The following AQR variants were observed in gnomAD, a reference collection of about 807,000 sequenced individuals.
AQR encodes RNA helicase aquarius.
In AQR, 61 loss-of-function variants were observed where a neutral mutation model predicts 180.5. That is an observed-to-expected ratio of 0.34 (90% CI 0.28 to 0.42). The LOEUF is 0.42. Ranked by LOEUF, AQR falls within the 10% of genes least tolerant of loss-of-function variation. The pLI, the probability that AQR is intolerant of heterozygous loss-of-function variation, is 1.00. For synonymous variants in AQR, 551 were observed against 588.8 expected (o/e 0.94, Z 0.93); for missense variants, 1,281 against 1,798.3 (o/e 0.71, Z 5.20).
chr15:34,864,527 G>A (rs930006745), intron 32 of AQR, among the ~76,000 whole-genome samples: 1 of 152,112 alleles, frequency 6.6e-6, no homozygotes, highest in East Asian at 1.9e-4. Flanking sequence ...TCCAACACTG[G>A]TAACTGAAGG....
At chr15:34,961,285 A>G (rs1226683809) in intron 2 of AQR, among the ~76,000 whole-genome samples, 4 of 152,058 alleles carry the variant, frequency 2.6e-5, no homozygotes, top group Non-Finnish European at 5.9e-5. Flanking sequence ...CATTCATTTG[A>G]GTGAGGGTGG....
chr15:34,896,074 C>T (rs1178120189), intron 22 of AQR, among the ~76,000 whole-genome samples: 2 of 152,184 alleles, frequency 1.3e-5, no homozygotes, highest in African/African-American at 4.8e-5. Context: ...ACAGGGAAAC[C>T]TCCAAATACT....
At chr15:34,862,023 A>G (rs1159913174) in intron 33 of AQR, among the ~76,000 whole-genome samples, 1 of 152,138 alleles carries the variant, frequency 6.6e-6, no homozygotes, top group Non-Finnish European at 1.5e-5. Flanking sequence ...TAAAAGTAAC[A>G]TATCTCTTCT....
chr15:34,946,821 G>A (rs1198430304), intron 5 of AQR, among the ~76,000 whole-genome samples: 2 of 149,670 alleles, frequency 1.3e-5, no homozygotes, highest in East Asian at 2.0e-4. Context: ...GTCTCTGCCC[G>A]GCCGCCCCTA....
intron 8 of AQR, among the ~76,000 whole-genome samples, chr15:34,940,390 C>T (rs1271352975): frequency 1.3e-5 from 2 of 152,042 alleles, no homozygotes; most frequent in South Asian, 2.1e-4. Flanking sequence ...ATTAGCCAGG[C>T]GTGGTGGCGC....
intron 34 of AQR, 25 bp downstream of exon 34, chr15:34,860,017 T>C: frequency 8.2e-7 from 1 of 1,214,140 alleles, no homozygotes; most frequent in Non-Finnish European, 1.1e-6. Context: ...GCAAGAAAAA[T>C]AAAAGTCGAT....
At position 34,940,991 on chromosome 15, in the gene AQR, C is replaced by T. The variant is rs1307208639; in HGVS notation, c.549G>A (p.Leu183=). The T allele has an allele frequency of 3.1e-6, 5 of 1,600,744 alleles. No homozygotes were observed. The highest frequency in any genetic ancestry group is 2.6e-6 in the Non-Finnish European group (3 of 1,171,930). The change falls in exon 8 of 35, where the codon TTG becomes TTA. Residue 183 remains leucine (L), a synonymous_variant. Coordinates refer to ENST00000156471, the MANE Select transcript of AQR (RefSeq NM_014691.3). The part of the protein sequence containing the change: ...PMWMGLQLAR[L]ELELKKTPKL... Reference sequence around the variant, plus strand: ...TAGGTGTCTTTTTTAATTCTAATTCCAATCGTGCCTGAAGAAGAGATGTGT... The same window carrying T: ...TAGGTGTCTTTTTTAATTCTAATTCTAATCGTGCCTGAAGAAGAGATGTGT...
In AQR at chr15:34,867,544, G is replaced by T. The variant is rs368556813; in HGVS notation, c.3834C>A (p.Thr1278=). 6.2e-7 allele frequency: 1 copy of T among 1,612,450 alleles called. No homozygotes were observed. The highest frequency in any genetic ancestry group is 1.3e-5 in the African/African-American group (1 of 74,804). Residue 1278 remains threonine (T), a synonymous_variant, in exon 32 of 35, where the codon ACC becomes ACA. Coordinates refer to ENST00000156471, the MANE Select transcript of AQR (RefSeq NM_014691.3). ...NDYILLSLVR[T]RAVGHLRDVR... is the part of the protein sequence containing the mutation. ...CGTACCTCAGATGGCCCACTGCCCT[G>T]GTTCGTACCAGAGAAAGAAGAATAT...
At chr15:34,874,531 C>A in intron 29 of AQR, 146 bp downstream of exon 29, 1 of 821,356 alleles carries the variant, frequency 1.2e-6, no homozygotes, top group South Asian at 1.8e-5. Flanking sequence ...TTGCAGAAGT[C>A]GACAAAAGTG....
At chr15:34,902,601 T>G (rs960012581) in intron 19 of AQR, among the ~76,000 whole-genome samples, 5 of 152,154 alleles carry the variant, frequency 3.3e-5, no homozygotes, top group Admixed American at 6.5e-5. Flanking sequence ...AGGTGTAAGT[T>G]GTGTCTGATT....
rs371203440 is a variant in AQR at position 34,857,095 on chromosome 15, T to C, written c.4155A>G (p.Gln1385=). 2.6e-5 allele frequency: 41 copies of C among 1,565,774 alleles called. No homozygotes were observed. The highest frequency in any genetic ancestry group is 2.8e-5 in the African/African-American group (2 of 71,536). The change falls in exon 35 of 35, where the codon CAA becomes CAG. Residue 1385 remains glutamine (Q), a synonymous_variant. Transcript: ENST00000156471. The part of the protein sequence containing the change: ...TTHHYHQTLL[Q]LPPAMVEEGE... ...CCTCTTCTACCATAGCAGGTGGTAG[T>C]TGTAATAAAGTCTAATTAAAAAAAA... is the stretch of plus-strand genomic sequence containing the variant.
intron 21 of AQR, among the ~76,000 whole-genome samples, chr15:34,897,282 C>A (rs1893260254): frequency 6.6e-6 from 1 of 152,194 alleles, no homozygotes. Context: ...ATATGTAACA[C>A]AGGCTCATGA....
At chr15:34,939,165 T>G (rs952862300) in intron 8 of AQR, among the ~76,000 whole-genome samples, 3 of 152,098 alleles carry the variant, frequency 2.0e-5, no homozygotes, top group African/African-American at 7.2e-5. Context: ...GCCTCCCAGG[T>G]TGAAGCAACT....
At chr15:34,893,601 A>G (rs2140472651) in intron 23 of AQR, 62 bp downstream of exon 23, 4 of 1,168,386 alleles carry the variant, frequency 3.4e-6, no homozygotes, top group South Asian at 1.5e-5. Context: ...GTGCATGCGC[A>G]TGCGTGCACA....
Position 34,870,917 on chromosome 15 carries a change from A to G in AQR, c.3603T>C (p.Leu1201=). The change falls in exon 31 of 35, where the codon CTT becomes CTC. Residue 1201 remains leucine, a synonymous_variant. Coordinates refer to ENST00000156471, the MANE Select transcript of AQR (RefSeq NM_014691.3). Reference sequence around the variant, plus strand: ...GTGCTACTACATATTCTGCCTCTCCAAGATTCTGTAATGCAAACATAATCA... The same window carrying G: ...GTGCTACTACATATTCTGCCTCTCCGAGATTCTGTAATGCAAACATAATCA... The part of the protein sequence containing the change: ...SEPNPYFYQN[L]GEAEYVVALF... 6.2e-7 allele frequency: 1 copy of G among 1,611,530 alleles called. No individual in the cohort carries two copies. The highest frequency in any genetic ancestry group is 8.5e-7 in the Non-Finnish European group (1 of 1,178,608).
At position 34,890,192 on chromosome 15, in the gene AQR, G is replaced by A; in HGVS notation, c.2681+23C>T. 2.5e-6 allele frequency: 4 copies of A among 1,583,384 alleles called. No individual in the cohort carries two copies. The South Asian group carries it at 3.4e-5, about 14-fold the overall frequency. ...AAAATAAAAAATCCTTTTTTACACTGTTACTCACTCCCATTTGCTCACCTG... is the reference window on the plus strand; with the variant it reads ...AAAATAAAAAATCCTTTTTTACACTATTACTCACTCCCATTTGCTCACCTG... On this transcript the variant is annotated intron_variant, in intron 24 of 34. Coordinates refer to ENST00000156471, the MANE Select transcript of AQR (RefSeq NM_014691.3).
At chr15:34,949,719 G>A (rs1436578399) in intron 4 of AQR, among the ~76,000 whole-genome samples, 1 of 151,174 alleles carries the variant, frequency 6.6e-6, no homozygotes, top group African/African-American at 2.4e-5. Flanking sequence ...TACTTTGGGA[G>A]GCCAAAGTGG....
At chr15:34,887,925 C>A (rs1486933915) in intron 24 of AQR, among the ~76,000 whole-genome samples, 1 of 152,098 alleles carries the variant, frequency 6.6e-6, no homozygotes, top group Non-Finnish European at 1.5e-5. Flanking sequence ...ATGAACACTT[C>A]GTTAATGAGA....
At chr15:34,940,152 T>C (rs557158742) in intron 8 of AQR, among the ~76,000 whole-genome samples, 6 of 152,296 alleles carry the variant, frequency 3.9e-5, no homozygotes, top group African/African-American at 1.4e-4. Flanking sequence ...AGGAAAGAAA[T>C]GCTAAAGAAG....
Sources: allele counts gnomAD v4.1 joint callset (sites outside exome capture counted in the v4.1 genomes callset), GRCh38; gene constraint gnomAD v4.1.1; transcripts MANE v1.5; gene names NCBI Gene and HGNC (gene_info 2026-07-23, HGNC 2026-07-21).